WASL: variants seen among roughly 807,000 people sequenced by gnomAD.
WASL encodes WASP like actin nucleation promoting factor, also known as actin nucleation-promoting factor WASL.
Under a neutral mutation model 55.5 loss-of-function variants are expected in WASL, and 20 were observed. That is an observed-to-expected ratio of 0.36 (90% CI 0.25 to 0.52). The LOEUF is 0.52. WASL is among the 20% of genes least tolerant of loss of function. The pLI is 0.92. For synonymous variants in WASL, 249 were observed against 217.6 expected (o/e 1.14, Z -1.27); for missense variants, 504 against 622.5 (o/e 0.81, Z 2.03).
chr7:123,722,926 G>A (rs986500515), intron 1 of WASL, among the ~76,000 whole-genome samples: 5 of 152,136 alleles, frequency 3.3e-5, no homozygotes, highest in African/African-American at 1.2e-4. Context: ...CACAAGTGAG[G>A]GCAAAGAATC....
intron 5 of WASL, among the ~76,000 whole-genome samples, chr7:123,698,150 G>C (rs1254331735): frequency 6.6e-6 from 1 of 151,784 alleles, no homozygotes; most frequent in Non-Finnish European, 1.5e-5. Context: ...TTTGCCATGA[G>C]TACAGCTATA....
chr7:123,720,033 G>A (rs527247020), intron 1 of WASL, among the ~76,000 whole-genome samples: 23 of 152,124 alleles, frequency 1.5e-4, no homozygotes, highest in South Asian at 1.2e-3. Flanking sequence ...TGAAGATAGG[G>A]CCCTGTCTTA....
intron 1 of WASL, among the ~76,000 whole-genome samples, chr7:123,740,727 C>G (rs1804326878): frequency 6.6e-6 from 1 of 152,026 alleles, no homozygotes; most frequent in Non-Finnish European, 1.5e-5. Flanking sequence ...TCTGGAGTAA[C>G]TGGGACTACA....
chr7:123,709,955 C>A (rs1266157993), intron 1 of WASL, among the ~76,000 whole-genome samples: 1 of 152,056 alleles, frequency 6.6e-6, no homozygotes, highest in Non-Finnish European at 1.5e-5. Flanking sequence ...TAAATAGAAC[C>A]CTTTCAGATG....
At chr7:123,728,990 T>C (rs2299985) in intron 1 of WASL, among the ~76,000 whole-genome samples, 69,099 of 151,864 alleles carry the variant, frequency 0.46, 15,999 homozygotes, top group South Asian at 0.67. Context: ...AGACAAAACC[T>C]AGGAGGATTT....
chr7:123,728,299 A>C (rs1804083538), intron 1 of WASL, among the ~76,000 whole-genome samples: 1 of 152,244 alleles, frequency 6.6e-6, no homozygotes, highest in Non-Finnish European at 1.5e-5. Flanking sequence ...GGAAAATGCA[A>C]TTTGGCAAGG....
chr7:123,731,670 T>C (rs1163704400), intron 1 of WASL, among the ~76,000 whole-genome samples: 1 of 152,124 alleles, frequency 6.6e-6, no homozygotes, highest in Non-Finnish European at 1.5e-5. Context: ...CGTAAATATT[T>C]CTAAACATAC....
In WASL at chr7:123,702,111, A is replaced by G. The variant is rs191313822; in HGVS notation, c.460+2523T>C. 4.2e-4 allele frequency among the ~76,000 whole-genome samples: 64 copies of G among 152,096 alleles called. No homozygotes were observed. The East Asian group carries it at 0.01, about 25-fold the overall frequency. On this transcript the variant is annotated intron_variant, in intron 5 of 10. Transcript: ENST00000223023. ...CTCTTTTTGCCCAGGCTGGAGTGCA[A>G]TGGTGTGATCTCGGCTCACTTGCAA...
Position 123,695,804 on chromosome 7 carries a change from G to T in WASL, c.672+19C>A. 2 of 1,610,860 alleles carry T rather than the reference G, an allele frequency of 1.2e-6. No individual in the cohort carries two copies. The highest frequency in any genetic ancestry group is 2.2e-5 in the South Asian group (2 of 90,836). ...TTCCACATACAGTTATAACGTATAT[G>T]ATTTGAAAACATACTTACATCAAAG... On this transcript the variant is annotated intron_variant, in intron 7 of 10. Coordinates refer to ENST00000223023, the MANE Select transcript of WASL (RefSeq NM_003941.4).
chr7:123,712,527 G>GA (rs1457641653), intron 1 of WASL, among the ~76,000 whole-genome samples: 1 of 151,988 alleles, frequency 6.6e-6, no homozygotes, highest in Non-Finnish European at 1.5e-5. Context: ...TATATATAGA[G>GA]AAAAAAACAT....
intron 2 of WASL, among the ~76,000 whole-genome samples, chr7:123,707,086 C>G (rs1803684210): frequency 6.6e-6 from 1 of 152,066 alleles, no homozygotes; most frequent in Non-Finnish European, 1.5e-5. Flanking sequence ...ATCTCACTAG[C>G]CAACCATTTC....
intron 4 of WASL, among the ~76,000 whole-genome samples, chr7:123,705,497 A>C (rs1004924599): frequency 6.6e-6 from 1 of 152,148 alleles, no homozygotes; most frequent in African/African-American, 2.4e-5. Flanking sequence ...TTTGAGAGTC[A>C]TTGGCATACA....
chr7:123,703,472 A>T (rs1363338844), intron 5 of WASL, among the ~76,000 whole-genome samples: 1 of 152,200 alleles, frequency 6.6e-6, no homozygotes. Context: ...CACTATGCTA[A>T]GCTTTGATTA....
intron 10 of WASL, among the ~76,000 whole-genome samples, 170 bp from the exon 11 acceptor site, chr7:123,684,750 G>A (rs1803261318): frequency 6.6e-6 from 1 of 151,910 alleles, no homozygotes; most frequent in Non-Finnish European, 1.5e-5. Context: ...TATCTATAGA[G>A]TATGATAGTA....
intron 1 of WASL, among the ~76,000 whole-genome samples, chr7:123,740,449 A>C (rs1022050285): frequency 1.3e-5 from 2 of 148,208 alleles, no homozygotes; most frequent in East Asian, 2.0e-4. Context: ...AGATGCAATA[A>C]ATAAGATTTA....
intron 2 of WASL, 49 bp downstream of exon 2, chr7:123,709,040 A>C: frequency 6.6e-7 from 1 of 1,509,970 alleles, no homozygotes; most frequent in Non-Finnish European, 8.9e-7. Flanking sequence ...TATAATTGAT[A>C]TAGAAAACCT....
intron 5 of WASL, among the ~76,000 whole-genome samples, chr7:123,703,963 T>C (rs1038052027): frequency 1.3e-5 from 2 of 152,180 alleles, no homozygotes; most frequent in African/African-American, 2.4e-5. Context: ...TAGCACACAA[T>C]TTCAGGGAGT....
At chr7:123,712,308 T>G (rs749986794) in intron 1 of WASL, among the ~76,000 whole-genome samples, 1 of 152,202 alleles carries the variant, frequency 6.6e-6, no homozygotes, top group African/African-American at 2.4e-5. Flanking sequence ...AAAGTAGTTC[T>G]GCAAGCTTGT....
At chr7:123,734,929 T>C (rs953570850) in intron 1 of WASL, among the ~76,000 whole-genome samples, 2 of 152,130 alleles carry the variant, frequency 1.3e-5, no homozygotes, top group Admixed American at 6.5e-5. Context: ...TTGCACTTTC[T>C]GCACAATTTT....
Sources: gnomAD v4.1 joint callset for allele counts (sites outside exome capture counted in the v4.1 genomes callset) on GRCh38, gnomAD v4.1.1 for gene constraint, MANE v1.5 for transcripts, NCBI Gene and HGNC (gene_info 2026-07-23, HGNC 2026-07-21) for gene names.